ITSN1: variants seen among roughly 807,000 people sequenced by gnomAD.
ITSN1 encodes intersectin 1, also known as intersectin-1.
Under a neutral mutation model 239.8 loss-of-function variants are expected in ITSN1, and 58 were observed. The observed-to-expected ratio is 0.24, with a 90% confidence interval of 0.20 to 0.30. The LOEUF (loss-of-function observed/expected upper bound fraction) is 0.30, where lower values mean the gene tolerates loss of function less well. Ranked by LOEUF, ITSN1 falls within the 10% of genes least tolerant of loss-of-function variation. The pLI is 1.00. For missense variants in ITSN1, 1,558 were observed against 2,103.3 expected (o/e 0.74, Z 5.07); for synonymous variants, 780 against 770.8 (o/e 1.01, Z -0.20).
At chr21:33,751,992 C>A in intron 7 of ITSN1, 86 bp downstream of exon 7, 2 of 896,924 alleles carry the variant, frequency 2.2e-6, no homozygotes, top group Non-Finnish European at 3.6e-6. Flanking sequence ...CATCTATATT[C>A]TTTTTGTTGT....
At chr21:33,686,290 A>G (rs1288434938) in intron 1 of ITSN1, among the ~76,000 whole-genome samples, 1 of 152,018 alleles carries the variant, frequency 6.6e-6, no homozygotes, top group East Asian at 1.9e-4. Flanking sequence ...GATAGGTGCC[A>G]TATCAAAGCA....
At chr21:33,761,301 G>A (rs1378973712) in intron 8 of ITSN1, among the ~76,000 whole-genome samples, 2 of 151,998 alleles carry the variant, frequency 1.3e-5, no homozygotes, top group Non-Finnish European at 2.9e-5. Context: ...TCCTGAGCTC[G>A]AGCCATCTGC....
chr21:33,799,319 C>T (rs1256182992), intron 18 of ITSN1, among the ~76,000 whole-genome samples: 1 of 152,048 alleles, frequency 6.6e-6, no homozygotes, highest in East Asian at 1.9e-4. Flanking sequence ...TTTATATGAC[C>T]AGGTTAAAGA....
At chr21:33,852,909 T>C (rs1158208125) in intron 29 of ITSN1, among the ~76,000 whole-genome samples, 4 of 152,252 alleles carry the variant, frequency 2.6e-5, no homozygotes, top group African/African-American at 7.2e-5. Context: ...AAAACGCTTT[T>C]ATTTGAAATG....
At chr21:33,743,563 G>A (rs2066995504) in intron 5 of ITSN1, among the ~76,000 whole-genome samples, 2 of 152,152 alleles carry the variant, frequency 1.3e-5, no homozygotes, top group African/African-American at 2.4e-5. Context: ...GGCAGCAGGA[G>A]TCCCTGAGGA....
intron 1 of ITSN1, among the ~76,000 whole-genome samples, chr21:33,697,057 A>C (rs2091824570): frequency 6.7e-6 from 1 of 149,588 alleles, no homozygotes. Context: ...TTTATTTGGA[A>C]GTTTTGGAAG....
At chr21:33,676,138 G>A (rs1048698974) in intron 1 of ITSN1, among the ~76,000 whole-genome samples, 4 of 151,492 alleles carry the variant, frequency 2.6e-5, no homozygotes, top group African/African-American at 9.7e-5. Flanking sequence ...GGGTTCAAGC[G>A]ATTCCTGCTA....
intron 1 of ITSN1, among the ~76,000 whole-genome samples, chr21:33,657,008 A>G (rs1044282545): frequency 1.3e-5 from 2 of 152,186 alleles, no homozygotes; most frequent in Non-Finnish European, 2.9e-5. Flanking sequence ...GGCGTGAGCC[A>G]CCATGTCCGG....
intron 1 of ITSN1, among the ~76,000 whole-genome samples, chr21:33,715,904 G>C (rs1208954573): frequency 6.6e-6 from 1 of 152,114 alleles, no homozygotes; most frequent in Non-Finnish European, 1.5e-5. Flanking sequence ...GGGACGGAGT[G>C]AGACTCTGTC....
chr21:33,778,727 C>T (rs1332013537), intron 14 of ITSN1, among the ~76,000 whole-genome samples: 13 of 145,606 alleles, frequency 8.9e-5, no homozygotes, highest in South Asian at 2.1e-4. Flanking sequence ...TACAGGCGCC[C>T]GCCACTACGC....
chr21:33,764,500 A>G (rs2068584358), intron 9 of ITSN1, among the ~76,000 whole-genome samples: 1 of 152,190 alleles, frequency 6.6e-6, no homozygotes, highest in Admixed American at 6.5e-5. Context: ...CAGAAAAAAG[A>G]TCAGCAGTTG....
At chr21:33,696,229 A>G (rs1205639764) in intron 1 of ITSN1, among the ~76,000 whole-genome samples, 2 of 152,144 alleles carry the variant, frequency 1.3e-5, no homozygotes, top group Non-Finnish European at 2.9e-5. Flanking sequence ...TTGGTAAATA[A>G]TCTTCAGCTG....
At chr21:33,757,952 C>G (rs1029881864) in intron 8 of ITSN1, among the ~76,000 whole-genome samples, 9 of 152,274 alleles carry the variant, frequency 5.9e-5, no homozygotes, top group African/African-American at 2.2e-4. Flanking sequence ...TAGTAGCTCA[C>G]TGCAGCCTTG....
intron 29 of ITSN1, chr21:33,836,922 T>A: frequency 1.4e-6 from 2 of 1,432,074 alleles, no homozygotes; most frequent in Non-Finnish European, 2.0e-6. Flanking sequence ...CCTGACTCAT[T>A]TTCCTAGCTT....
chr21:33,705,122 A>G (rs1243327994), intron 1 of ITSN1, among the ~76,000 whole-genome samples: 1 of 151,150 alleles, frequency 6.6e-6, no homozygotes, highest in African/African-American at 2.4e-5. Flanking sequence ...AAAAAAAAAA[A>G]AAAAAAAGAC....
chr21:33,836,905 T>TTACA, intron 29 of ITSN1: 1 of 1,214,498 alleles, frequency 8.2e-7, no homozygotes, highest in Non-Finnish European at 1.2e-6. Context: ...ACCATGCTGT[T>TTACA]TACATGCCTG....
At chr21:33,666,866 A>G (rs888271854) in intron 1 of ITSN1, among the ~76,000 whole-genome samples, 5 of 152,172 alleles carry the variant, frequency 3.3e-5, no homozygotes, top group African/African-American at 1.2e-4. Context: ...CAGTGGTGCA[A>G]TGACAGCTCA....
At chr21:33,710,946 C>T (rs991854649) in intron 1 of ITSN1, among the ~76,000 whole-genome samples, 7 of 152,054 alleles carry the variant, frequency 4.6e-5, no homozygotes, top group African/African-American at 1.2e-4. Context: ...GCTGGGACTA[C>T]AGGCGCGTGC....
chr21:33,844,209 C>T (rs1305832195), intron 29 of ITSN1, among the ~76,000 whole-genome samples: 1 of 152,188 alleles, frequency 6.6e-6, no homozygotes. Flanking sequence ...TCGCTGCACT[C>T]CTGCAATGTG....
Sources: gnomAD v4.1 joint callset for allele counts (sites outside exome capture counted in the v4.1 genomes callset) on GRCh38, gnomAD v4.1.1 for gene constraint, MANE v1.5 for transcripts, NCBI Gene and HGNC (gene_info 2026-07-23, HGNC 2026-07-21) for gene names.